GNA12: variants seen among roughly 807,000 people sequenced by gnomAD.
The protein encoded by GNA12 is guanine nucleotide-binding protein subunit alpha-12.
GNA12 carries 9 observed loss-of-function variants against 26.0 expected under a neutral mutation model. That is an observed-to-expected ratio of 0.35 (90% CI 0.21 to 0.60). GNA12 has a LOEUF of 0.60. Ranked by LOEUF, GNA12 falls within the 20% of genes least tolerant of loss-of-function variation. The pLI is 0.78. For missense variants in GNA12, 405 were observed against 525.8 expected (o/e 0.77, Z 2.25); for synonymous variants, 264 against 219.6 (o/e 1.20, Z -1.79).
intron 2 of GNA12, among the ~76,000 whole-genome samples, chr7:2,741,023 C>G (rs369801216): frequency 6.6e-6 from 1 of 151,796 alleles, no homozygotes; most frequent in Admixed American, 6.6e-5. Context: ...CCTGCCTGGG[C>G]GACAGAGCGA....
At chr7:2,796,179 G>A (rs1012928684) in intron 1 of GNA12, among the ~76,000 whole-genome samples, 8 of 152,068 alleles carry the variant, frequency 5.3e-5, no homozygotes, top group Non-Finnish European at 1.0e-4. Flanking sequence ...CCCCTTATCC[G>A]TGGCATAAGT....
intron 2 of GNA12, among the ~76,000 whole-genome samples, chr7:2,760,905 G>C (rs996979782): frequency 1.3e-5 from 2 of 152,160 alleles, no homozygotes; most frequent in Admixed American, 6.5e-5. Context: ...TCTTTGGTGG[G>C]GAGTGGGGGG....
intron 1 of GNA12, among the ~76,000 whole-genome samples, chr7:2,840,204 A>T (rs1284800589): frequency 6.6e-6 from 1 of 152,126 alleles, no homozygotes; most frequent in Non-Finnish European, 1.5e-5. Context: ...GGTATGTGGG[A>T]TCTCTACTAT....
intron 2 of GNA12, among the ~76,000 whole-genome samples, chr7:2,757,577 G>T (rs935706000): frequency 3.3e-5 from 5 of 152,214 alleles, no homozygotes; most frequent in Non-Finnish European, 5.9e-5. Flanking sequence ...AGCCTGCGAG[G>T]TTCCGAGCAG....
intron 2 of GNA12, among the ~76,000 whole-genome samples, chr7:2,755,991 A>C (rs1791274562): frequency 6.6e-6 from 1 of 152,208 alleles, no homozygotes; most frequent in Admixed American, 6.5e-5. Flanking sequence ...TTATCTCTTC[A>C]AAACACCACA....
chr7:2,800,200 G>C (rs2115465290), intron 1 of GNA12, among the ~76,000 whole-genome samples: 1 of 152,330 alleles, frequency 6.6e-6, no homozygotes, highest in African/African-American at 2.4e-5. Context: ...GAAGCTCTAG[G>C]ATGTTATGTT....
At chr7:2,763,689 A>C (rs996049577) in intron 2 of GNA12, among the ~76,000 whole-genome samples, 2 of 152,256 alleles carry the variant, frequency 1.3e-5, no homozygotes, top group Admixed American at 6.5e-5. Flanking sequence ...AAGAATGAGA[A>C]AGCCTGGGCT....
intron 2 of GNA12, among the ~76,000 whole-genome samples, chr7:2,738,371 A>G (rs1790319453): frequency 6.6e-6 from 1 of 152,192 alleles, no homozygotes; most frequent in Admixed American, 6.5e-5. Context: ...AACGTCTAGT[A>G]GGAGAAGCTG....
intron 2 of GNA12, among the ~76,000 whole-genome samples, chr7:2,779,472 T>TGGGAG (rs1792167352): frequency 6.6e-6 from 1 of 151,484 alleles, no homozygotes; most frequent in Non-Finnish European, 1.5e-5. Context: ...ATCACGCTAC[T>TGGGAG]ACACTCCAGC....
chr7:2,751,696 T>C (rs1791047012), intron 2 of GNA12, among the ~76,000 whole-genome samples: 1 of 152,192 alleles, frequency 6.6e-6, no homozygotes, highest in African/African-American at 2.4e-5. Context: ...TATAGCTCCG[T>C]CAAACATTGA....
At chr7:2,770,628 T>TC (rs1349636164) in intron 2 of GNA12, among the ~76,000 whole-genome samples, 1 of 147,794 alleles carries the variant, frequency 6.8e-6, no homozygotes, top group Non-Finnish European at 1.5e-5. Flanking sequence ...ATAGTGAGAC[T>TC]CCATCTCAAC....
chr7:2,811,409 G>A (rs1474919960), intron 1 of GNA12, among the ~76,000 whole-genome samples: 1 of 152,232 alleles, frequency 6.6e-6, no homozygotes, highest in East Asian at 1.9e-4. Context: ...CCCAGCCTTG[G>A]CAGAGAAAGC....
At chr7:2,780,541 T>C (rs1478381501) in intron 2 of GNA12, among the ~76,000 whole-genome samples, 1 of 152,204 alleles carries the variant, frequency 6.6e-6, no homozygotes, top group African/African-American at 2.4e-5. Context: ...GTCTTGATGC[T>C]GGTATCCTTT....
At chr7:2,842,241 G>A (rs1483502690) in intron 1 of GNA12, among the ~76,000 whole-genome samples, 1 of 152,170 alleles carries the variant, frequency 6.6e-6, no homozygotes, top group Non-Finnish European at 1.5e-5. Flanking sequence ...GTTTCCTCCA[G>A]ATCTTCCTTG....
rs558809902 is a variant in GNA12 at position 2,744,269 on chromosome 7, C to T, written c.526-10768G>A. Among the ~76,000 whole-genome samples, 18 of 152,338 alleles carry T rather than the reference C, an allele frequency of 1.2e-4. No homozygotes were observed. In the South Asian group the frequency reaches 3.7e-3, roughly 32 times the overall value. ...AGTAGCCTAACTGGGAGGCACCCCC[C>T]AGTAGGGGCGGACTGACACCTCACA... On this transcript the variant is annotated intron_variant, in intron 2 of 3. Transcript: ENST00000275364.
intron 1 of GNA12, among the ~76,000 whole-genome samples, chr7:2,824,135 C>G (rs922031938): frequency 4.2e-4 from 64 of 152,206 alleles, no homozygotes; most frequent in African/African-American, 1.4e-3. Flanking sequence ...CCCAGCATCT[C>G]CACTCCTAAC....
intron 1 of GNA12, among the ~76,000 whole-genome samples, chr7:2,811,930 G>A (rs190650282): frequency 3.3e-5 from 5 of 152,350 alleles, no homozygotes; most frequent in Admixed American, 6.5e-5. Flanking sequence ...CTTATAAAAC[G>A]AAAGGAAATC....
At chr7:2,753,963 C>T (rs1429332387) in intron 2 of GNA12, among the ~76,000 whole-genome samples, 1 of 152,124 alleles carries the variant, frequency 6.6e-6, no homozygotes, top group Non-Finnish European at 1.5e-5. Context: ...GGCGGCGCAT[C>T]TTAGGTGCTT....
At chr7:2,773,665 G>C (rs2115424641) in intron 2 of GNA12, among the ~76,000 whole-genome samples, 1 of 152,284 alleles carries the variant, frequency 6.6e-6, no homozygotes. Flanking sequence ...TGGAGTAATG[G>C]GAACTTGGCC....
Sources: gnomAD v4.1 joint callset for allele counts (sites outside exome capture counted in the v4.1 genomes callset) on GRCh38, gnomAD v4.1.1 for gene constraint, MANE v1.5 for transcripts, NCBI Gene and HGNC (gene_info 2026-07-23, HGNC 2026-07-21) for gene names.